Variants in OR3A2 observed in about 807,000 individuals in gnomAD.
The protein encoded by OR3A2 is olfactory receptor 3A2.
For synonymous variants in OR3A2, 126 were observed against 159.3 expected (o/e 0.79, Z 1.57); for missense variants, 318 against 392.8 (o/e 0.81, Z 1.61).
chr17:3,313,473 C>A (rs749778982), intron 3 of OR3A2, among the ~76,000 whole-genome samples: 1 of 152,242 alleles, frequency 6.6e-6, no homozygotes, highest in Admixed American at 6.5e-5. Context: ...TCAGTGCTGT[C>A]TACACTGCCC....
rs551761515 is a variant in OR3A2 at position 3,302,162 on chromosome 17, T to C, written c.-84-23009A>G. Among the ~76,000 whole-genome samples the C allele has an allele frequency of 6.3e-3, 965 of 152,238 alleles. 10 individuals carry two copies. The highest frequency in any genetic ancestry group is 0.021 in the African/African-American group (856 of 41,548). The stretch of plus-strand genomic sequence containing the variant: ...AGAATCAATAGCGTGAAAATGGCCA[T>C]ACTGCCCAAGGTAATTTATAGATTC... On this transcript the variant is annotated intron_variant, in intron 3 of 4. Coordinates refer to the OR3A2 transcript ENST00000573491.
intron 3 of OR3A2, among the ~76,000 whole-genome samples, chr17:3,320,919 G>C (rs893943517): frequency 2.0e-5 from 3 of 152,008 alleles, no homozygotes; most frequent in African/African-American, 7.3e-5. Context: ...TGTGAAGAAA[G>C]TCATTGGTAG....
intron 2 of OR3A2, among the ~76,000 whole-genome samples, chr17:3,380,578 A>G: frequency 6.6e-6 from 1 of 152,196 alleles, no homozygotes; most frequent in African/African-American, 2.4e-5. Flanking sequence ...GAGTAGATAC[A>G]ACAGTTAAGA....
At chr17:3,321,591 C>G (rs562758206) in intron 3 of OR3A2, among the ~76,000 whole-genome samples, 2,632 of 151,900 alleles carry the variant, frequency 0.017, 85 homozygotes, top group African/African-American at 0.059. Flanking sequence ...TAGCATGAAG[C>G]GTTGTTGAAT....
At chr17:3,352,448 G>A (rs895582237) in intron 2 of OR3A2, among the ~76,000 whole-genome samples, 1 of 151,840 alleles carries the variant, frequency 6.6e-6, no homozygotes, top group Non-Finnish European at 1.5e-5. Flanking sequence ...AGAGACAGGG[G>A]TCTAGTTTTA....
At chr17:3,369,344 C>A (rs2049591213) in intron 2 of OR3A2, among the ~76,000 whole-genome samples, 2 of 152,134 alleles carry the variant, frequency 1.3e-5, no homozygotes, top group African/African-American at 4.8e-5. Flanking sequence ...TTCAACTTTT[C>A]CCGTTCAGTA....
chr17:3,303,157 G>A (rs1016005148), intron 3 of OR3A2, among the ~76,000 whole-genome samples: 4 of 152,064 alleles, frequency 2.6e-5, no homozygotes, highest in South Asian at 2.1e-4. Context: ...TCTTTCTCAC[G>A]CCATGCATAA....
At chr17:3,376,448 G>A (rs769277974) in intron 2 of OR3A2, among the ~76,000 whole-genome samples, 30 of 144,354 alleles carry the variant, frequency 2.1e-4, no homozygotes, top group Non-Finnish European at 4.1e-4. Flanking sequence ...ACTCTCCTTG[G>A]GCAGGGCTTG....
intron 2 of OR3A2, among the ~76,000 whole-genome samples, chr17:3,381,913 C>T (rs1315585360): frequency 6.6e-6 from 1 of 152,098 alleles, no homozygotes; most frequent in Non-Finnish European, 1.5e-5. Context: ...TCAGAAGGCT[C>T]ATCATCTAGC....
chr17:3,321,189 T>C (rs1238185189), intron 3 of OR3A2, among the ~76,000 whole-genome samples: 1 of 151,300 alleles, frequency 6.6e-6, no homozygotes, highest in Non-Finnish European at 1.5e-5. Flanking sequence ...TTGTCTGTTG[T>C]TGGTGTGTAA....
intron 2 of OR3A2, among the ~76,000 whole-genome samples, chr17:3,345,252 C>T (rs895047963): frequency 7.2e-5 from 11 of 152,166 alleles, no homozygotes; most frequent in African/African-American, 2.7e-4. Context: ...AGACATTCAT[C>T]TACTAATAGA....
chr17:3,280,345 C>T (rs968041267), intron 1 of OR3A2, among the ~76,000 whole-genome samples: 2 of 151,568 alleles, frequency 1.3e-5, no homozygotes, highest in African/African-American at 2.4e-5. Context: ...GATCTCGGCT[C>T]ACTGCAAGCT....
chr17:3,334,903 T>C (rs887626564), intron 3 of OR3A2, among the ~76,000 whole-genome samples: 2 of 152,208 alleles, frequency 1.3e-5, no homozygotes, highest in Non-Finnish European at 2.9e-5. Flanking sequence ...GAGATGAATA[T>C]TTTAGGGTTC....
rs550807124 is a variant in OR3A2 at position 3,336,744 on chromosome 17, T to C, written c.-178-618A>G. 7.9e-5 allele frequency among the ~76,000 whole-genome samples: 12 copies of C among 152,286 alleles called. No individual in the cohort carries two copies. The East Asian group carries it at 2.3e-3, about 29-fold the overall frequency. ...ATACCTGAGATGTCCTCTTAACTCTTTCCCCTCTAGACTAGACAGACTTCT... is the reference window on the plus strand; with the variant it reads ...ATACCTGAGATGTCCTCTTAACTCTCTCCCCTCTAGACTAGACAGACTTCT... On this transcript the variant is annotated intron_variant, in intron 2 of 4. Coordinates refer to the OR3A2 transcript ENST00000573491.
chr17:3,344,426 C>T (rs2049346101), intron 2 of OR3A2, among the ~76,000 whole-genome samples: 1 of 152,120 alleles, frequency 6.6e-6, no homozygotes, highest in South Asian at 2.1e-4. Context: ...CACTACTGTA[C>T]CTTGGAGACT....
rs1555525950 is a variant in OR3A2, at chr17:3,306,696, C to CA, written c.-84-27544_-84-27543insT. The stretch of plus-strand genomic sequence containing the variant: ...CTACTCTTCAAAAAAAAAAAAAAAA[C>CA]CGTAACCCCTTTTATTTTCTCCACT... On this transcript the variant is annotated intron_variant, in intron 3 of 4. Coordinates refer to the OR3A2 transcript ENST00000573491. Among the ~76,000 whole-genome samples the CA allele has an allele frequency of 9.4e-3, 955 of 101,930 alleles. 76 individuals are homozygous for CA. The highest frequency in any genetic ancestry group is 0.041 in the African/African-American group (867 of 21,326). The allele number at this position is 101,930 out of a possible 152,430, so 66.9% of individuals were successfully genotyped here.
chr17:3,383,966 CA>C (rs1056982054), intron 1 of OR3A2: 75 of 104,032 alleles, frequency 7.2e-4, no homozygotes, highest in Middle Eastern at 4.9e-3. Context: ...ATATTGTATA[CA>C]AATATTTATT....
chr17:3,306,321 T>C (rs1020027195), intron 3 of OR3A2, among the ~76,000 whole-genome samples: 3 of 151,910 alleles, frequency 2.0e-5, no homozygotes, highest in Non-Finnish European at 4.4e-5. Context: ...TCAGCTAATT[T>C]TTTTTGTAGA....
chr17:3,278,301 C>A, exon 2 of OR3A2: 1 of 1,614,214 alleles, frequency 6.2e-7, no homozygotes, highest in Non-Finnish European at 8.5e-7. Flanking sequence ...CATGATGAAA[C>A]CCACAGCAAA....
Sources: allele counts gnomAD v4.1 joint callset (sites outside exome capture counted in the v4.1 genomes callset), GRCh38; gene constraint gnomAD v4.1.1; transcripts MANE v1.5; gene names NCBI Gene and HGNC (gene_info 2026-07-23, HGNC 2026-07-21).